Variants in RNF182 observed in about 807,000 individuals in gnomAD.
The protein encoded by RNF182 is ring finger protein 182, also known as E3 ubiquitin-protein ligase RNF182.
RNF182 carries 15 observed loss-of-function variants against 14.4 expected under a neutral mutation model. That is an observed-to-expected ratio of 1.04 (90% confidence interval 0.70 to 1.60). The LOEUF is 1.60. Among genes scored for constraint, RNF182 ranks in the 40% most tolerant of loss-of-function variants. RNF182 has a pLI of 0.00. For synonymous variants in RNF182, 128 were observed against 122.9 expected (o/e 1.04, Z -0.27); for missense variants, 268 against 294.8 (o/e 0.91, Z 0.67).
intron 1 of RNF182, among the ~76,000 whole-genome samples, chr6:13,958,693 ATAAGT>A (rs1759790271): frequency 2.6e-5 from 4 of 152,344 alleles, no homozygotes; most frequent in Admixed American, 2.6e-4. Context: ...GAACAAACAA[ATAAGT>A]TAAATTGGGC....
At chr6:13,946,808 T>C (rs1164730575) in intron 1 of RNF182, among the ~76,000 whole-genome samples, 1 of 152,188 alleles carries the variant, frequency 6.6e-6, no homozygotes, top group Non-Finnish European at 1.5e-5. Context: ...TTCTTCAGGC[T>C]GAACAGGGGC....
In RNF182 at chr6:13,977,428, G is replaced by A; in HGVS notation, c.309G>A (p.Glu103=). The change falls in exon 3 of 3, where the codon GAG becomes GAA. Residue 103 remains glutamate (E), a synonymous_variant. Transcript: ENST00000488300. ...CGGKGKKCLP[E]NPTELLLTPK... ...GCAAAGGGAAGAAGTGCCTGCCAGA[G>A]AACCCTACTGAGCTGCTGCTCACCC... The A allele has an allele frequency of 6.2e-7, 1 of 1,614,168 alleles. No individual in the cohort carries two copies.
chr6:13,940,166 C>T (rs1023313755), intron 1 of RNF182, among the ~76,000 whole-genome samples: 5 of 152,030 alleles, frequency 3.3e-5, no homozygotes, highest in East Asian at 1.9e-4. Context: ...ACCTTTTTAT[C>T]GATTAAGAAG....
At chr6:13,934,037 A>T (rs946905292) in intron 1 of RNF182, among the ~76,000 whole-genome samples, 3 of 152,076 alleles carry the variant, frequency 2.0e-5, no homozygotes, top group East Asian at 1.9e-4. Flanking sequence ...AAAAAAAATT[A>T]AAAAAAAGAA....
chr6:13,970,826 T>TA (rs1469946189), intron 1 of RNF182, among the ~76,000 whole-genome samples: 6 of 152,188 alleles, frequency 3.9e-5, no homozygotes, highest in Non-Finnish European at 7.3e-5. Flanking sequence ...TGATCCAAAA[T>TA]ACGCGTTGGC....
At chr6:13,969,987 A>G (rs1013082298) in intron 1 of RNF182, among the ~76,000 whole-genome samples, 2 of 152,158 alleles carry the variant, frequency 1.3e-5, no homozygotes, top group African/African-American at 4.8e-5. Flanking sequence ...CATGCTACAG[A>G]TATGTCCATC....
At chr6:13,942,729 A>G (rs778480317) in intron 1 of RNF182, among the ~76,000 whole-genome samples, 1 of 152,184 alleles carries the variant, frequency 6.6e-6, no homozygotes, top group South Asian at 2.1e-4. Flanking sequence ...GTACAATTTT[A>G]TATCCTTTAG....
intron 1 of RNF182, among the ~76,000 whole-genome samples, chr6:13,956,260 T>TTCTGCTGCACACTGTC (rs1759727007): frequency 6.6e-6 from 1 of 152,150 alleles, no homozygotes; most frequent in African/African-American, 2.4e-5. Flanking sequence ...TGTTTTTAGC[T>TTCTGCTGCACACTGTC]TCTGCTGCAC....
At chr6:13,942,850 T>C (rs1348217325) in intron 1 of RNF182, among the ~76,000 whole-genome samples, 1 of 152,218 alleles carries the variant, frequency 6.6e-6, no homozygotes, top group Non-Finnish European at 1.5e-5. Context: ...AATTCACTAA[T>C]GTTCTCATCT....
At chr6:13,967,038 T>G (rs1211377042) in intron 1 of RNF182, among the ~76,000 whole-genome samples, 3 of 152,006 alleles carry the variant, frequency 2.0e-5, no homozygotes, top group African/African-American at 7.2e-5. Context: ...GAGCTTTGCC[T>G]TGTTTCCTAG....
At chr6:13,936,605 C>CA (rs1184109979) in intron 1 of RNF182, among the ~76,000 whole-genome samples, 2 of 152,180 alleles carry the variant, frequency 1.3e-5, no homozygotes, top group South Asian at 4.1e-4. Flanking sequence ...CAAAGATGAA[C>CA]AAATCAGGTA....
intron 1 of RNF182, among the ~76,000 whole-genome samples, chr6:13,926,499 T>G (rs957522808): frequency 1.3e-5 from 2 of 152,240 alleles, no homozygotes; most frequent in African/African-American, 2.4e-5. Context: ...AAGTTGCAAT[T>G]AACAGTTTGC....
At position 13,973,059 on chromosome 6, in the gene RNF182, A is replaced by G. The variant is rs148259573; in HGVS notation, c.-366-1151A>G. 5.1e-3 allele frequency among the ~76,000 whole-genome samples: 772 copies of G among 152,334 alleles called. 10 individuals carry two copies. The highest frequency in any genetic ancestry group is 0.018 in the African/African-American group (731 of 41,588). ...CAGAGCCACAGGGGCAGGGCTGTCC[A>G]AGACCATGGGAACCCACCTCTTGCA... On this transcript the variant is annotated intron_variant, in intron 1 of 2. Coordinates refer to ENST00000488300, the MANE Select transcript of RNF182 (RefSeq NM_152737.4).
intron 2 of RNF182, among the ~76,000 whole-genome samples, chr6:13,975,519 T>A (rs1760299977): frequency 6.6e-6 from 1 of 152,314 alleles, no homozygotes; most frequent in Non-Finnish European, 1.5e-5. Context: ...TTCTATAGAT[T>A]GACTTCTTTT....
chr6:13,957,714 A>G (rs546634731), intron 1 of RNF182, among the ~76,000 whole-genome samples: 4 of 152,326 alleles, frequency 2.6e-5, no homozygotes, highest in African/African-American at 9.6e-5. Flanking sequence ...TTGTGGCTTT[A>G]ACTGTATTTG....
intron 1 of RNF182, among the ~76,000 whole-genome samples, chr6:13,943,567 A>G (rs1759353547): frequency 6.6e-6 from 1 of 152,126 alleles, no homozygotes; most frequent in South Asian, 2.1e-4. Context: ...GAACTGCTAT[A>G]TTTTGCATAC....
chr6:13,963,098 T>G (rs1317585225), intron 1 of RNF182, among the ~76,000 whole-genome samples: 1 of 152,246 alleles, frequency 6.6e-6, no homozygotes, highest in African/African-American at 2.4e-5. Flanking sequence ...TTCCCCTTAC[T>G]GTAGTAGAGC....
At chr6:13,967,638 G>A (rs1369385463) in intron 1 of RNF182, among the ~76,000 whole-genome samples, 1 of 152,076 alleles carries the variant, frequency 6.6e-6, no homozygotes, top group Non-Finnish European at 1.5e-5. Flanking sequence ...TTTGTTCTCT[G>A]ATCATAATCC....
rs141988852 is a variant in RNF182 at position 13,977,781 on chromosome 6, C to T, written c.662C>T (p.Ser221Leu). The change falls in exon 3 of 3, where the codon TCG becomes TTG. Residue 221 changes from serine (S) to leucine (L), a missense_variant. Transcript: ENST00000488300. Reference protein sequence around the residue: ...LGVVFVSLVPSSLVILMVYGF... With the variant: ...LGVVFVSLVPLSLVILMVYGF... ...GTCGTCTTTGTCAGCCTGGTCCCTT[C>T]GAGCCTCGTTATTCTTATGGTGTAT... The T allele has an allele frequency of 1.4e-5, 23 of 1,613,972 alleles. No homozygotes were observed. The highest frequency in any genetic ancestry group is 6.7e-5 in the East Asian group (3 of 44,894).
Sources: gnomAD v4.1 joint callset for allele counts (sites outside exome capture counted in the v4.1 genomes callset) on GRCh38, gnomAD v4.1.1 for gene constraint, MANE v1.5 for transcripts, NCBI Gene and HGNC (gene_info 2026-07-23, HGNC 2026-07-21) for gene names.